Variants in BMP5 observed in about 807,000 individuals in gnomAD.
The protein encoded by BMP5 is bone morphogenetic protein 5.
Under a neutral mutation model 46.6 loss-of-function variants are expected in BMP5, and 23 were observed. The observed-to-expected ratio is 0.49, with a 90% CI of 0.35 to 0.70. The LOEUF is 0.70. BMP5 is among the 30% of genes least tolerant of loss of function. BMP5 has a pLI of 0.00. For synonymous variants in BMP5, 204 were observed against 191.9 expected, an observed-to-expected ratio of 1.06 and a Z score of -0.52; for missense variants, 545 against 565.6, an observed-to-expected ratio of 0.96 and a Z score of 0.37.
chr6:55,818,588 G>T (rs959540947), intron 2 of BMP5, among the ~76,000 whole-genome samples: 2 of 152,082 alleles, frequency 1.3e-5, no homozygotes, highest in Non-Finnish European at 2.9e-5. Flanking sequence ...TATGCATTGT[G>T]AATCTCCGAG....
intron 2 of BMP5, among the ~76,000 whole-genome samples, chr6:55,818,611 C>T (rs1442641204): frequency 6.6e-6 from 1 of 152,082 alleles, no homozygotes; most frequent in African/African-American, 2.4e-5. Flanking sequence ...GATAGTCTAA[C>T]AGGAAGGCTT....
At chr6:55,795,390 C>A (rs1775684509) in intron 2 of BMP5, among the ~76,000 whole-genome samples, 1 of 151,844 alleles carries the variant, frequency 6.6e-6, no homozygotes, top group African/African-American at 2.4e-5. Context: ...TGTATTGAAT[C>A]TATTTAAGAG....
chr6:55,800,502 T>A (rs1775821273), intron 2 of BMP5, among the ~76,000 whole-genome samples: 1 of 152,226 alleles, frequency 6.6e-6, no homozygotes, highest in Non-Finnish European at 1.5e-5. Flanking sequence ...GATATGATTA[T>A]ATTATGATAA....
intron 3 of BMP5, among the ~76,000 whole-genome samples, chr6:55,792,264 T>A (rs1775588017): frequency 1.3e-5 from 2 of 152,184 alleles, no homozygotes; most frequent in Non-Finnish European, 1.5e-5. Context: ...CCGGGCGCGG[T>A]GGCTCACGCC....
chr6:55,807,462 T>C (rs2127533851), intron 2 of BMP5, among the ~76,000 whole-genome samples: 1 of 152,336 alleles, frequency 6.6e-6, no homozygotes, highest in East Asian at 1.9e-4. Flanking sequence ...GGAATCGGTT[T>C]GCCAGTATTT....
Position 55,807,281 on chromosome 6 carries a change from A to T in BMP5, c.683+12374T>A, listed in dbSNP as rs149721087. 6.8e-3 allele frequency among the ~76,000 whole-genome samples: 1,031 copies of T among 152,130 alleles called. 13 individuals carry two copies. The highest frequency in any genetic ancestry group is 0.023 in the African/African-American group (970 of 41,502). On this transcript the variant is annotated intron_variant, in intron 2 of 6. Transcript: ENST00000370830. Reference sequence around the variant, plus strand: ...TATTGAGAGTTTTTAACATGAAGGGATGTTGAACTTTATCAAAGGCCTGCA... The same window carrying T: ...TATTGAGAGTTTTTAACATGAAGGGTTGTTGAACTTTATCAAAGGCCTGCA...
At chr6:55,828,762 T>C (rs956275748) in intron 1 of BMP5, among the ~76,000 whole-genome samples, 3 of 151,554 alleles carry the variant, frequency 2.0e-5, no homozygotes, top group Non-Finnish European at 4.4e-5. Flanking sequence ...GGAAATGGAG[T>C]GGGTTTAAGA....
chr6:55,874,467 A>C lies in BMP5; in HGVS notation c.399T>G (p.Thr133=). Residue 133 remains threonine, a synonymous_variant, in exon 1 of 7, where the codon ACT becomes ACG. Coordinates refer to ENST00000370830, the MANE Select transcript of BMP5 (RefSeq NM_021073.4). ...YPRRIQLSRT[T]PLTTQSPPLA... is the part of the protein sequence containing the mutation. ...GAGGAGGACTCTGGGTGGTCAGAGGAGTCGTCCGAGATAACTGTATGCGAC... is the reference window on the plus strand; with the variant it reads ...GAGGAGGACTCTGGGTGGTCAGAGGCGTCGTCCGAGATAACTGTATGCGAC... The C allele has an allele frequency of 6.2e-7, 1 of 1,613,390 alleles. No individual in the cohort carries two copies. The highest frequency in any genetic ancestry group is 8.5e-7 in the Non-Finnish European group (1 of 1,179,612).
At chr6:55,830,331 G>GT (rs1483182927) in intron 1 of BMP5, among the ~76,000 whole-genome samples, 5 of 151,980 alleles carry the variant, frequency 3.3e-5, no homozygotes, top group Non-Finnish European at 5.9e-5. Context: ...ATCCTTAGTG[G>GT]TCTCAGTTCA....
chr6:55,816,300 T>A (rs1006314759), intron 2 of BMP5, among the ~76,000 whole-genome samples: 1 of 152,100 alleles, frequency 6.6e-6, no homozygotes, highest in Non-Finnish European at 1.5e-5. Flanking sequence ...CTTATCCTTA[T>A]CTCTTCTTTA....
At chr6:55,767,678 C>A (rs775005452) in intron 4 of BMP5, among the ~76,000 whole-genome samples, 3 of 151,940 alleles carry the variant, frequency 2.0e-5, no homozygotes, top group African/African-American at 4.8e-5. Context: ...GCACAGATAG[C>A]AACTTTTAAT....
intron 2 of BMP5, among the ~76,000 whole-genome samples, chr6:55,819,393 A>G (rs1776354388): frequency 6.6e-6 from 1 of 152,186 alleles, no homozygotes; most frequent in Admixed American, 6.6e-5. Context: ...AAATGAGACA[A>G]CAGACCTAGA....
At chr6:55,852,028 AGTATTGTTTTT>A (rs900580606) in intron 1 of BMP5, among the ~76,000 whole-genome samples, 2 of 152,014 alleles carry the variant, frequency 1.3e-5, no homozygotes, top group African/African-American at 4.8e-5. Flanking sequence ...ATCCCCCCAA[AGTATTGTTTTT>A]ATATGCCAAG....
At chr6:55,776,582 T>C in intron 3 of BMP5, among the ~76,000 whole-genome samples, 1 of 152,092 alleles carries the variant, frequency 6.6e-6, no homozygotes, top group South Asian at 2.1e-4. Flanking sequence ...GCTTTTATTT[T>C]GATATTTTAA....
intron 2 of BMP5, among the ~76,000 whole-genome samples, chr6:55,810,480 T>C (rs183176317): frequency 6.6e-6 from 1 of 152,306 alleles, no homozygotes; most frequent in Admixed American, 6.5e-5. Flanking sequence ...TGCAGAGAAA[T>C]TTAAACATGT....
At chr6:55,807,323 T>C (rs1416315678) in intron 2 of BMP5, among the ~76,000 whole-genome samples, 6 of 152,240 alleles carry the variant, frequency 3.9e-5, no homozygotes, top group Admixed American at 3.9e-4. Context: ...GGGATGACCA[T>C]GTGATTTTTG....
intron 3 of BMP5, among the ~76,000 whole-genome samples, chr6:55,794,023 A>G (rs1356531837): frequency 6.6e-6 from 1 of 152,182 alleles, no homozygotes; most frequent in Admixed American, 6.5e-5. Flanking sequence ...CTTCAACACT[A>G]GACTAAAAAT....
At chr6:55,761,678 T>C (rs1774784407) in intron 4 of BMP5, among the ~76,000 whole-genome samples, 6 of 152,108 alleles carry the variant, frequency 3.9e-5, no homozygotes, top group Admixed American at 2.6e-4. Flanking sequence ...AGACCTTCAC[T>C]ACCCTTTTAA....
At chr6:55,761,544 C>T (rs1297621341) in intron 4 of BMP5, among the ~76,000 whole-genome samples, 1 of 152,060 alleles carries the variant, frequency 6.6e-6, no homozygotes, top group Non-Finnish European at 1.5e-5. Flanking sequence ...TACCTCCTTG[C>T]TGTTTCACTC....
Sources: gnomAD v4.1 joint callset for allele counts (sites outside exome capture counted in the v4.1 genomes callset) on GRCh38, gnomAD v4.1.1 for gene constraint, MANE v1.5 for transcripts, NCBI Gene and HGNC (gene_info 2026-07-23, HGNC 2026-07-21) for gene names.